Variants in KAZN observed in about 807,000 individuals in gnomAD.
KAZN encodes the protein kazrin.
In KAZN, 40 loss-of-function variants were observed where a neutral mutation model predicts 87.4. The ratio of observed to expected loss-of-function variants is 0.46; its 90% CI spans 0.36 to 0.60. KAZN has a LOEUF of 0.60. Among genes scored for constraint, KAZN ranks in the 20% least tolerant of loss-of-function variants. The pLI, the probability that KAZN is intolerant of heterozygous loss-of-function variation, is 0.00. For synonymous variants in KAZN, 466 were observed against 458.3 expected, an observed-to-expected ratio of 1.02 and a Z score of -0.22; for missense variants, 898 against 1,073.9, an observed-to-expected ratio of 0.84 and a Z score of 2.29.
intron 2 of KAZN, among the ~76,000 whole-genome samples, chr1:14,386,618 C>CT (rs1278401616): frequency 2.0e-5 from 3 of 152,074 alleles, no homozygotes; most frequent in African/African-American, 7.2e-5. Flanking sequence ...AAATTCTTTT[C>CT]TTTAAGAATG....
chr1:14,743,386 C>T (rs1302541365), intron 1 of KAZN, among the ~76,000 whole-genome samples: 5 of 150,260 alleles, frequency 3.3e-5, no homozygotes, highest in East Asian at 3.9e-4. Flanking sequence ...GCTGAGATCG[C>T]GCCACTGCAC....
At chr1:14,423,259 G>A (rs1665534595) in intron 2 of KAZN, among the ~76,000 whole-genome samples, 1 of 152,162 alleles carries the variant, frequency 6.6e-6, no homozygotes, top group African/African-American at 2.4e-5. Flanking sequence ...CTGAAAATTG[G>A]TCAGATTTAA....
intron 2 of KAZN, among the ~76,000 whole-genome samples, chr1:14,247,228 A>C (rs1649597680): frequency 6.6e-6 from 1 of 152,172 alleles, no homozygotes; most frequent in African/African-American, 2.4e-5. Context: ...TAGGAAGGCA[A>C]ACTAACTTTC....
At chr1:13,935,252 G>GTAGTAGTAATAATAATAA (rs1553175647) in intron 1 of KAZN, among the ~76,000 whole-genome samples, 1 of 147,072 alleles carries the variant, frequency 6.8e-6, no homozygotes, top group African/African-American at 2.5e-5. Flanking sequence ...AGTAGTAGTA[G>GTAGTAGTAATAATAATAA]TAATAATAAT....
At chr1:14,203,631 G>A (rs1398271971) in intron 2 of KAZN, among the ~76,000 whole-genome samples, 1 of 152,172 alleles carries the variant, frequency 6.6e-6, no homozygotes, top group Non-Finnish European at 1.5e-5. Context: ...AGAGTCCAGG[G>A]CCTTCTGAAA....
chr1:14,904,101 G>A (rs898371973), intron 1 of KAZN, among the ~76,000 whole-genome samples: 31 of 152,178 alleles, frequency 2.0e-4, no homozygotes, highest in African/African-American at 7.2e-4. Context: ...TCAGTCTTGA[G>A]TTAGCAGACT....
At chr1:14,265,871 T>C (rs918240311) in intron 2 of KAZN, among the ~76,000 whole-genome samples, 5 of 152,204 alleles carry the variant, frequency 3.3e-5, no homozygotes, top group Admixed American at 3.3e-4. Context: ...CCATCTCTCA[T>C]TGAACTAATT....
chr1:14,411,188 A>G (rs1024919444), intron 2 of KAZN, among the ~76,000 whole-genome samples: 4 of 152,236 alleles, frequency 2.6e-5, no homozygotes, highest in Non-Finnish European at 5.9e-5. Flanking sequence ...TATGTTTTTC[A>G]AAACTTTAAT....
intron 1 of KAZN, among the ~76,000 whole-genome samples, chr1:14,782,706 A>C (rs1033322540): frequency 6.6e-6 from 1 of 152,176 alleles, no homozygotes; most frequent in East Asian, 1.9e-4. Flanking sequence ...GGAAACAATT[A>C]TCTAATTAGG....
intron 1 of KAZN, among the ~76,000 whole-genome samples, chr1:14,811,372 G>C (rs1476897990): frequency 6.6e-6 from 1 of 152,232 alleles, no homozygotes; most frequent in Non-Finnish European, 1.5e-5. Flanking sequence ...AATCATAAGA[G>C]GGTGGGAATG....
chr1:14,470,148 A>G (rs1461874572), intron 2 of KAZN, among the ~76,000 whole-genome samples: 1 of 152,262 alleles, frequency 6.6e-6, no homozygotes, highest in Admixed American at 6.5e-5. Flanking sequence ...CATACAACAA[A>G]CAGAATGAGA....
chr1:14,025,245 A>G (rs1225519796), intron 1 of KAZN, among the ~76,000 whole-genome samples: 1 of 152,220 alleles, frequency 6.6e-6, no homozygotes, highest in East Asian at 1.9e-4. Context: ...TCCTCTGAAG[A>G]CCATCCCTTC....
chr1:14,618,528 A>G (rs1401317215), intron 1 of KAZN, among the ~76,000 whole-genome samples: 1 of 152,254 alleles, frequency 6.6e-6, no homozygotes, highest in Non-Finnish European at 1.5e-5. Context: ...TGGAGTACCT[A>G]GAAGGGACAA....
At chr1:15,037,943 G>A (rs977054396) in intron 3 of KAZN, among the ~76,000 whole-genome samples, 1 of 152,176 alleles carries the variant, frequency 6.6e-6, no homozygotes, top group Non-Finnish European at 1.5e-5. Context: ...ATGCCCTGAA[G>A]GAGGACAGAT....
intron 2 of KAZN, among the ~76,000 whole-genome samples, chr1:14,496,253 A>G (rs563911528): frequency 7.2e-5 from 11 of 152,328 alleles, no homozygotes; most frequent in Admixed American, 1.3e-4. Context: ...GCTAACAAGG[A>G]AAAAGCCTCT....
At chr1:13,905,286 G>A (rs1639395295) in intron 1 of KAZN, among the ~76,000 whole-genome samples, 1 of 152,168 alleles carries the variant, frequency 6.6e-6, no homozygotes, top group South Asian at 2.1e-4. Flanking sequence ...ATTACCTCAT[G>A]CACTTTGCAA....
At chr1:14,119,688 C>T (rs1644709372) in intron 1 of KAZN, among the ~76,000 whole-genome samples, 1 of 152,150 alleles carries the variant, frequency 6.6e-6, no homozygotes, top group African/African-American at 2.4e-5. Flanking sequence ...GCTGAAAAGT[C>T]TGTCTATAAG....
At chr1:14,409,802 GAACT>G (rs996403163) in intron 2 of KAZN, among the ~76,000 whole-genome samples, 1 of 151,948 alleles carries the variant, frequency 6.6e-6, no homozygotes, top group Middle Eastern at 3.2e-3. Context: ...CCCAATAAAA[GAACT>G]ATCTGAAAGA....
intron 1 of KAZN, among the ~76,000 whole-genome samples, chr1:14,666,760 A>G (rs1639579960): frequency 6.6e-6 from 1 of 151,788 alleles, no homozygotes; most frequent in Non-Finnish European, 1.5e-5. Flanking sequence ...AGTTTTTGAG[A>G]CAGAGTCTCA....
Sources: gnomAD v4.1 joint callset for allele counts (sites outside exome capture counted in the v4.1 genomes callset) on GRCh38, gnomAD v4.1.1 for gene constraint, MANE v1.5 for transcripts, NCBI Gene and HGNC (gene_info 2026-07-23, HGNC 2026-07-21) for gene names.